The following PARVA variants were observed in gnomAD, a reference collection of about 807,000 sequenced individuals.
PARVA encodes parvin alpha, also known as alpha-parvin.
Under a neutral mutation model 52.6 loss-of-function variants are expected in PARVA, and 25 were observed. That is an observed-to-expected ratio of 0.48 (90% confidence interval 0.35 to 0.66). PARVA has a LOEUF of 0.66. Ranked by LOEUF, PARVA falls within the 30% of genes least tolerant of loss-of-function variation. The pLI is 0.01. For missense variants in PARVA, 373 were observed against 450.9 expected (o/e 0.83, Z 1.56); for synonymous variants, 185 against 179.1 (o/e 1.03, Z -0.26).
At chr11:12,492,035 A>G (rs866854481) in intron 4 of PARVA, among the ~76,000 whole-genome samples, 1 of 152,200 alleles carries the variant, frequency 6.6e-6, no homozygotes, top group Non-Finnish European at 1.5e-5. Flanking sequence ...CAACTCAGGA[A>G]CTGTTCATAC....
At position 12,504,449 on chromosome 11, in the gene PARVA, A is replaced by T; in HGVS notation, c.657+20A>T. 1.4e-6 allele frequency: 2 copies of T among 1,460,158 alleles called. No homozygotes were observed. Among genetic ancestry groups the T allele is most frequent in the Non-Finnish European group, 1.9e-6 (2 of 1,040,342 alleles). 90.5% of individuals were successfully genotyped at this position (1,460,158 alleles called of 1,614,324 possible). A position where few individuals can be genotyped will look rare whatever the true frequency, so the allele number is the denominator to read the frequency against. The stretch of plus-strand genomic sequence containing the variant: ...GTCCAGGTAAGACAGGTAACACTAC[A>T]AACATCTGTGTCTTTAAAGAGTCGT... On this transcript the variant is annotated intron_variant, in intron 6 of 12. Transcript: ENST00000334956.
intron 1 of PARVA, among the ~76,000 whole-genome samples, chr11:12,400,833 T>C (rs1041053547): frequency 3.9e-5 from 6 of 152,208 alleles, no homozygotes; most frequent in African/African-American, 1.4e-4. Flanking sequence ...TTTGGGAACT[T>C]CTAGATGCCT....
chr11:12,521,981 T>A (rs922850562), intron 12 of PARVA, among the ~76,000 whole-genome samples: 11 of 152,188 alleles, frequency 7.2e-5, no homozygotes, highest in Non-Finnish European at 1.6e-4. Context: ...GTGAGATGGA[T>A]TTGGGGCTTT....
chr11:12,490,307 T>C (rs1941218425), intron 4 of PARVA, among the ~76,000 whole-genome samples: 1 of 151,450 alleles, frequency 6.6e-6, no homozygotes, highest in Admixed American at 6.6e-5. Flanking sequence ...ATGGATCACC[T>C]GAGCTCAGGA....
At chr11:12,461,099 C>G (rs78220143) in intron 1 of PARVA, among the ~76,000 whole-genome samples, 1 of 152,122 alleles carries the variant, frequency 6.6e-6, no homozygotes, top group Non-Finnish European at 1.5e-5. Context: ...TGCTGGGCTC[C>G]GAGGGCCAAC....
At chr11:12,457,503 C>G (rs1940713656) in intron 1 of PARVA, among the ~76,000 whole-genome samples, 1 of 152,222 alleles carries the variant, frequency 6.6e-6, no homozygotes, top group East Asian at 1.9e-4. Flanking sequence ...CTTGCTCACC[C>G]TCTCTGCTTC....
intron 5 of PARVA, 125 bp from the exon 6 acceptor site, chr11:12,504,189 G>A: frequency 1.6e-6 from 1 of 635,686 alleles, no homozygotes; most frequent in Admixed American, 2.6e-5. Flanking sequence ...ATTTCAGCAT[G>A]AGATTTGGGC....
chr11:12,460,179 T>C (rs1940757664), intron 1 of PARVA, among the ~76,000 whole-genome samples: 1 of 152,194 alleles, frequency 6.6e-6, no homozygotes, highest in Non-Finnish European at 1.5e-5. Flanking sequence ...CCTAACCTAA[T>C]GGACGAAACA....
At chr11:12,491,976 A>T (rs1941239677) in intron 4 of PARVA, among the ~76,000 whole-genome samples, 1 of 152,228 alleles carries the variant, frequency 6.6e-6, no homozygotes, top group Non-Finnish European at 1.5e-5. Context: ...CTCTGACTAC[A>T]ATGCAAGTTT....
At chr11:12,523,270 A>G (rs1208173108) in intron 12 of PARVA, among the ~76,000 whole-genome samples, 6 of 152,156 alleles carry the variant, frequency 3.9e-5, no homozygotes, top group South Asian at 4.1e-4. Flanking sequence ...GATGAGATAG[A>G]GGCGCAGGGA....
intron 1 of PARVA, among the ~76,000 whole-genome samples, chr11:12,460,233 C>CAT (rs1940758776): frequency 2.0e-5 from 3 of 152,214 alleles, no homozygotes; most frequent in African/African-American, 7.2e-5. Context: ...ACTGGGACAA[C>CAT]ATATAGCATA....
chr11:12,441,965 C>T (rs1655032944), intron 1 of PARVA, among the ~76,000 whole-genome samples: 1 of 152,204 alleles, frequency 6.6e-6, no homozygotes, highest in Non-Finnish European at 1.5e-5. Context: ...AAGGGAGAAG[C>T]TTGCTTTGTG....
intron 1 of PARVA, among the ~76,000 whole-genome samples, chr11:12,421,209 A>G (rs1234880429): frequency 6.6e-6 from 1 of 152,084 alleles, no homozygotes; most frequent in African/African-American, 2.4e-5. Flanking sequence ...AGATGAGGCT[A>G]TCCAAGCATG....
intron 1 of PARVA, among the ~76,000 whole-genome samples, chr11:12,393,775 T>C (rs1439687170): frequency 6.6e-6 from 1 of 152,198 alleles, no homozygotes; most frequent in Admixed American, 6.5e-5. Context: ...CAAACACATG[T>C]TTCATTTTGG....
At chr11:12,519,764 G>T (rs1589990648) in intron 12 of PARVA, among the ~76,000 whole-genome samples, 1 of 152,234 alleles carries the variant, frequency 6.6e-6, no homozygotes, top group South Asian at 2.1e-4. Context: ...GCCAACAAAG[G>T]TCAACTCCTG....
At chr11:12,517,791 C>A in intron 11 of PARVA, 80 bp downstream of exon 11, 1 of 984,266 alleles carries the variant, frequency 1.0e-6, no homozygotes, top group Non-Finnish European at 1.6e-6. Flanking sequence ...TGGGGCTATC[C>A]AGAAAAAAGG....
intron 12 of PARVA, among the ~76,000 whole-genome samples, chr11:12,526,897 T>G (rs1348369953): frequency 6.6e-6 from 1 of 151,514 alleles, no homozygotes; most frequent in African/African-American, 2.4e-5. Context: ...AGCAGAGGGT[T>G]AGAGGAACAG....
chr11:12,443,319 G>A (rs976879231), intron 1 of PARVA, among the ~76,000 whole-genome samples: 14 of 151,184 alleles, frequency 9.3e-5, no homozygotes, highest in East Asian at 2.0e-4. Context: ...CTACAAGTGC[G>A]TGCCACCAAG....
At chr11:12,460,688 T>G (rs1940764670) in intron 1 of PARVA, among the ~76,000 whole-genome samples, 1 of 152,278 alleles carries the variant, frequency 6.6e-6, no homozygotes, top group Non-Finnish European at 1.5e-5. Flanking sequence ...GACTAGTAGT[T>G]GATGTGGCAC....
Sources: gnomAD v4.1 joint callset for allele counts (sites outside exome capture counted in the v4.1 genomes callset) on GRCh38, gnomAD v4.1.1 for gene constraint, MANE v1.5 for transcripts, NCBI Gene and HGNC (gene_info 2026-07-23, HGNC 2026-07-21) for gene names.